Variants in KCTD8 observed in about 807,000 individuals in gnomAD.
KCTD8 encodes BTB/POZ domain-containing protein KCTD8.
Under a neutral mutation model 31.5 loss-of-function variants are expected in KCTD8, and 27 were observed. The observed-to-expected ratio is 0.86, with a 90% CI of 0.63 to 1.18. The LOEUF (loss-of-function observed/expected upper bound fraction) is 1.18. Ranked by LOEUF, KCTD8 falls within the 50% of genes most tolerant of loss-of-function variation. KCTD8 has a pLI of 0.00. For missense variants in KCTD8, 658 were observed against 647.7 expected (o/e 1.02, Z -0.17); for synonymous variants, 290 against 280.0 (o/e 1.04, Z -0.36).
chr4:44,184,507 C>T (rs187926899), intron 1 of KCTD8, among the ~76,000 whole-genome samples: 28 of 152,124 alleles, frequency 1.8e-4, no homozygotes, highest in African/African-American at 6.5e-4. Context: ...TTCATCCTGA[C>T]ATGGTCATCC....
chr4:44,275,710 G>A (rs28416328), intron 1 of KCTD8, among the ~76,000 whole-genome samples: 30,037 of 151,856 alleles, frequency 0.2, 3,196 homozygotes, highest in Middle Eastern at 0.29. Context: ...ACATCGTGGT[G>A]GGACAAACTG....
At chr4:44,371,067 G>A (rs936901161) in intron 1 of KCTD8, among the ~76,000 whole-genome samples, 3 of 151,984 alleles carry the variant, frequency 2.0e-5, no homozygotes, top group Non-Finnish European at 4.4e-5. Context: ...GGCCAATGGT[G>A]TAAATCCAGG....
At chr4:44,221,347 ATG>A (rs35222595) in intron 1 of KCTD8, among the ~76,000 whole-genome samples, 2,355 of 147,932 alleles carry the variant, frequency 0.016, 56 homozygotes, top group African/African-American at 0.05. Flanking sequence ...GTGTGTGTGC[ATG>A]TGTGTGTGTG....
At chr4:44,196,411 T>A (rs1713942713) in intron 1 of KCTD8, among the ~76,000 whole-genome samples, 1 of 152,208 alleles carries the variant, frequency 6.6e-6, no homozygotes, top group Admixed American at 6.5e-5. Flanking sequence ...GTAATTTTGG[T>A]GATTCTACAC....
chr4:44,316,850 C>T (rs1032445019), intron 1 of KCTD8, among the ~76,000 whole-genome samples: 4 of 144,244 alleles, frequency 2.8e-5, no homozygotes, highest in Non-Finnish European at 4.5e-5. Flanking sequence ...TGGTGGCCGG[C>T]GCCTGTAGTC....
At chr4:44,380,669 C>G (rs934536731) in intron 1 of KCTD8, among the ~76,000 whole-genome samples, 1 of 151,896 alleles carries the variant, frequency 6.6e-6, no homozygotes, top group African/African-American at 2.4e-5. Flanking sequence ...AATTTCACAT[C>G]TGCAATCATA....
chr4:44,291,292 T>C lies in KCTD8; in HGVS notation c.962-116042A>G, dbSNP rs1281102138. ...TGAAAACATGAACAGACCAAACAAATAGACCACTGGAACAGAAAAGAGGAC... is the reference window on the plus strand; with the variant it reads ...TGAAAACATGAACAGACCAAACAAACAGACCACTGGAACAGAAAAGAGGAC... On this transcript the variant is annotated intron_variant, in intron 1 of 1. Coordinates refer to ENST00000360029, the MANE Select transcript of KCTD8 (RefSeq NM_198353.3). Among the ~76,000 whole-genome samples the C allele has an allele frequency of 2.6e-5, 4 of 151,866 alleles. No homozygotes were observed. The East Asian group carries it at 5.8e-4, about 22-fold the overall frequency.
chr4:44,245,087 A>G (rs1715614962), intron 1 of KCTD8, among the ~76,000 whole-genome samples: 1 of 152,130 alleles, frequency 6.6e-6, no homozygotes, highest in African/African-American at 2.4e-5. Flanking sequence ...TCCTCTAGCA[A>G]TTCTCTAACA....
chr4:44,379,241 T>A (rs544616987), intron 1 of KCTD8, among the ~76,000 whole-genome samples: 2 of 152,228 alleles, frequency 1.3e-5, no homozygotes, highest in East Asian at 3.9e-4. Context: ...CAGGGGGCAA[T>A]TGTTTTTATT....
intron 1 of KCTD8, among the ~76,000 whole-genome samples, chr4:44,326,168 T>C (rs6447329): frequency 0.02 from 3,093 of 151,978 alleles, 136 homozygotes; most frequent in African/African-American, 0.071. Flanking sequence ...GAATCTTCTA[T>C]GTTAAAAGCA....
intron 1 of KCTD8, among the ~76,000 whole-genome samples, chr4:44,443,332 G>T (rs1342952241): frequency 2.6e-5 from 4 of 152,162 alleles, no homozygotes; most frequent in Non-Finnish European, 5.9e-5. Flanking sequence ...CATAAAAGAT[G>T]CAATTTTAAT....
At chr4:44,232,605 C>A (rs370353909) in intron 1 of KCTD8, among the ~76,000 whole-genome samples, 1 of 152,006 alleles carries the variant, frequency 6.6e-6, no homozygotes. Context: ...GTTTGTACTT[C>A]CATAATAGAA....
At chr4:44,300,979 T>C (rs1013877806) in intron 1 of KCTD8, among the ~76,000 whole-genome samples, 21 of 139,570 alleles carry the variant, frequency 1.5e-4, no homozygotes, top group African/African-American at 5.3e-4. Flanking sequence ...TGGTTTTTTG[T>C]CCTTGCGATA....
At chr4:44,357,675 G>A (rs902409639) in intron 1 of KCTD8, among the ~76,000 whole-genome samples, 1 of 152,062 alleles carries the variant, frequency 6.6e-6, no homozygotes, top group East Asian at 1.9e-4. Context: ...ATGTGACTGT[G>A]AATACTACAT....
At chr4:44,384,990 A>T (rs899818657) in intron 1 of KCTD8, among the ~76,000 whole-genome samples, 1 of 151,584 alleles carries the variant, frequency 6.6e-6, no homozygotes, top group Non-Finnish European at 1.5e-5. Context: ...ATAGACCAAA[A>T]AAAAAGAAAA....
intron 1 of KCTD8, among the ~76,000 whole-genome samples, chr4:44,266,352 T>G (rs933374256): frequency 1.1e-4 from 17 of 152,052 alleles, no homozygotes; most frequent in Non-Finnish European, 2.2e-4. Flanking sequence ...CTGAGAGATT[T>G]TGTCACCACC....
intron 1 of KCTD8, among the ~76,000 whole-genome samples, chr4:44,381,768 C>T (rs1001667785): frequency 6.6e-6 from 1 of 151,858 alleles, no homozygotes; most frequent in East Asian, 1.9e-4. Flanking sequence ...CCCCACTTCT[C>T]TCTTGCTCCT....
chr4:44,186,820 C>G (rs1010921301), intron 1 of KCTD8, among the ~76,000 whole-genome samples: 1 of 152,220 alleles, frequency 6.6e-6, no homozygotes, highest in Non-Finnish European at 1.5e-5. Context: ...TGGCTAGGCT[C>G]ATAAGAATTC....
intron 1 of KCTD8, among the ~76,000 whole-genome samples, chr4:44,220,206 T>C (rs988917914): frequency 6.6e-6 from 1 of 152,128 alleles, no homozygotes; most frequent in African/African-American, 2.4e-5. Context: ...AGATGGGATA[T>C]AGAGTGGGGG....
Sources: gnomAD v4.1 joint callset for allele counts (sites outside exome capture counted in the v4.1 genomes callset) on GRCh38, gnomAD v4.1.1 for gene constraint, MANE v1.5 for transcripts, NCBI Gene and HGNC (gene_info 2026-07-23, HGNC 2026-07-21) for gene names.